The following GALNT10 variants were observed in gnomAD, a reference collection of about 807,000 sequenced individuals.
GALNT10 encodes polypeptide N-acetylgalactosaminyltransferase 10, also known as GalNAc transferase 10.
In GALNT10, 41 loss-of-function variants were observed where a neutral mutation model predicts 75.0. The ratio of observed to expected loss-of-function variants is 0.55; its 90% CI spans 0.43 to 0.71. GALNT10 has a LOEUF of 0.71. Among genes scored for constraint, GALNT10 ranks in the 30% least tolerant of loss-of-function variants. The pLI, the probability that GALNT10 is intolerant of heterozygous loss-of-function variation, is 0.00. For missense variants in GALNT10, 727 were observed against 818.5 expected, an observed-to-expected ratio of 0.89 and a Z score of 1.36; for synonymous variants, 302 against 313.0, an observed-to-expected ratio of 0.96 and a Z score of 0.37.
intron 8 of GALNT10, among the ~76,000 whole-genome samples, chr5:154,404,538 T>A (rs1756232739): frequency 6.6e-6 from 1 of 151,606 alleles, no homozygotes; most frequent in Non-Finnish European, 1.5e-5. Context: ...GAGGAGACGA[T>A]CTTAGGCAGC....
intron 4 of GALNT10, 166 bp downstream of exon 4, chr5:154,329,904 T>G: frequency 2.8e-6 from 1 of 362,134 alleles, no homozygotes; most frequent in Non-Finnish European, 5.0e-6. Flanking sequence ...TCTTCACAAC[T>G]CATGAAGTGA....
chr5:154,248,817 C>T (rs1753471350), intron 1 of GALNT10, among the ~76,000 whole-genome samples: 1 of 152,170 alleles, frequency 6.6e-6, no homozygotes, highest in Admixed American at 6.5e-5. Context: ...TGGCTTAGGC[C>T]ACTGAGGGAA....
chr5:154,389,045 C>T (rs1322651489), intron 7 of GALNT10: 1 of 151,870 alleles, frequency 6.6e-6, no homozygotes, highest in Non-Finnish European at 1.5e-5. Flanking sequence ...GGGGCTGCCC[C>T]AGGTGGGTGT....
chr5:154,224,154 G>A (rs897465587), intron 1 of GALNT10, among the ~76,000 whole-genome samples: 57 of 152,214 alleles, frequency 3.7e-4, no homozygotes, highest in African/African-American at 1.4e-3. Flanking sequence ...CATTTGAGCA[G>A]CGGGGAGGGG....
At chr5:154,387,163 C>G (rs1413550514) in intron 7 of GALNT10, 1 of 152,224 alleles carries the variant, frequency 6.6e-6, no homozygotes, top group Non-Finnish European at 1.5e-5. Flanking sequence ...CTGTAACCTA[C>G]TTGACCAGCC....
At chr5:154,227,407 A>G (rs779420668) in intron 1 of GALNT10, among the ~76,000 whole-genome samples, 45 of 152,382 alleles carry the variant, frequency 3.0e-4, no homozygotes, top group South Asian at 1.4e-3. Flanking sequence ...CTAATGAACA[A>G]TGATACTGAG....
At chr5:154,394,908 C>T (rs1414713201) in intron 7 of GALNT10, among the ~76,000 whole-genome samples, 2 of 152,204 alleles carry the variant, frequency 1.3e-5, no homozygotes, top group East Asian at 3.8e-4. Flanking sequence ...CGTCCTGGGG[C>T]CACATATGCC....
intron 3 of GALNT10, among the ~76,000 whole-genome samples, chr5:154,315,185 G>T (rs778395766): frequency 6.6e-6 from 1 of 152,214 alleles, no homozygotes; most frequent in East Asian, 1.9e-4. Context: ...CTTACTCTTG[G>T]TTTTTTAATC....
At chr5:154,254,363 A>G (rs763583075) in intron 1 of GALNT10, among the ~76,000 whole-genome samples, 3 of 152,182 alleles carry the variant, frequency 2.0e-5, no homozygotes, top group African/African-American at 4.8e-5. Context: ...TGCCTCTTAC[A>G]TATATAGTAG....
intron 3 of GALNT10, among the ~76,000 whole-genome samples, chr5:154,327,635 C>A: frequency 6.6e-6 from 1 of 152,166 alleles, no homozygotes; most frequent in East Asian, 1.9e-4. Context: ...GCTGGGGAAC[C>A]AGCTCATTCT....
At chr5:154,350,498 A>G (rs1288019707) in intron 4 of GALNT10, among the ~76,000 whole-genome samples, 1 of 152,228 alleles carries the variant, frequency 6.6e-6, no homozygotes, top group African/African-American at 2.4e-5. Context: ...TAAGGAGACA[A>G]TCAAAGATAG....
chr5:154,356,239 T>C (rs1045979789), intron 4 of GALNT10: 7 of 455,992 alleles, frequency 1.5e-5, no homozygotes, highest in African/African-American at 8.0e-5. Flanking sequence ...AGGATTCCAT[T>C]TGGAGACTTC....
chr5:154,380,245 T>G lies in GALNT10; in HGVS notation c.755-203T>G, dbSNP rs192550449. ...TGGAGATATTATTTGTGCAGCTGCC[T>G]CAGGGCCCCATGGAGAGTAAAAGGA... On this transcript the variant is annotated intron_variant, in intron 5 of 11. Coordinates refer to ENST00000297107, the MANE Select transcript of GALNT10 (RefSeq NM_198321.4). Among the ~76,000 whole-genome samples, 6 of 152,266 alleles carry G rather than the reference T, an allele frequency of 3.9e-5. No homozygotes were observed. The East Asian group carries it at 1.2e-3, about 29-fold the overall frequency.
intron 1 of GALNT10, among the ~76,000 whole-genome samples, chr5:154,225,962 A>G (rs1753057506): frequency 6.6e-6 from 1 of 152,076 alleles, no homozygotes; most frequent in South Asian, 2.1e-4. Flanking sequence ...GAAGGGGAAC[A>G]TCACACACCG....
At chr5:154,315,719 AC>A (rs1238362371) in intron 3 of GALNT10, among the ~76,000 whole-genome samples, 1 of 152,178 alleles carries the variant, frequency 6.6e-6, no homozygotes, top group African/African-American at 2.4e-5. Flanking sequence ...CATAGAGCCC[AC>A]CCAGGACTCC....
chr5:154,366,190 C>G (rs1300307006), intron 4 of GALNT10, among the ~76,000 whole-genome samples: 1 of 152,216 alleles, frequency 6.6e-6, no homozygotes, highest in Non-Finnish European at 1.5e-5. Flanking sequence ...GGCTTCTTCT[C>G]TGTCTTCTTG....
chr5:154,401,720 G>A (rs933491050), intron 7 of GALNT10, among the ~76,000 whole-genome samples: 4 of 152,134 alleles, frequency 2.6e-5, no homozygotes, highest in Admixed American at 2.6e-4. Context: ...AGTACATCAG[G>A]GCTGGGGATG....
At chr5:154,343,008 A>G (rs1159094157) in intron 4 of GALNT10, among the ~76,000 whole-genome samples, 1 of 152,152 alleles carries the variant, frequency 6.6e-6, no homozygotes, top group African/African-American at 2.4e-5. Flanking sequence ...ATGTGACAAG[A>G]TCTCAGAGCT....
At chr5:154,385,289 T>C (rs1040346600) in intron 6 of GALNT10, among the ~76,000 whole-genome samples, 2 of 152,290 alleles carry the variant, frequency 1.3e-5, no homozygotes, top group East Asian at 3.9e-4. Flanking sequence ...TGGGGGACGC[T>C]GACAGTCAGC....
Sources: allele counts gnomAD v4.1 joint callset (sites outside exome capture counted in the v4.1 genomes callset), GRCh38; gene constraint gnomAD v4.1.1; transcripts MANE v1.5; gene names NCBI Gene and HGNC (gene_info 2026-07-23, HGNC 2026-07-21).